Variants in RASEF observed in about 807,000 individuals in gnomAD.
RASEF encodes the protein ras and EF-hand domain-containing protein.
Under a neutral mutation model 90.1 loss-of-function variants are expected in RASEF, and 68 were observed. The observed-to-expected ratio is 0.75, with a 90% CI of 0.62 to 0.92. The LOEUF (loss-of-function observed/expected upper bound fraction) is 0.92. Ranked by LOEUF, RASEF falls within the 40% of genes least tolerant of loss-of-function variation. RASEF has a pLI of 0.00. For missense variants in RASEF, 949 were observed against 937.2 expected (o/e 1.01, Z -0.16); for synonymous variants, 331 against 345.2 (o/e 0.96, Z 0.46).
At chr9:83,070,433 T>C in the RASEF span, among the ~76,000 whole-genome samples, 63 of 152,240 alleles carry the variant, frequency 4.1e-4, 1 homozygote, top group African/African-American at 1.5e-3. Flanking sequence ...ACTACATATG[T>C]GTGGGTTTCT....
chr9:83,108,038 G>T, the RASEF span, among the ~76,000 whole-genome samples: 1 of 152,158 alleles, frequency 6.6e-6, no homozygotes, highest in Non-Finnish European at 1.5e-5. Context: ...ATTAAGTCAT[G>T]GTGATATAAA....
intron 1 of RASEF, among the ~76,000 whole-genome samples, chr9:83,044,893 C>T (rs929634603): frequency 2.2e-4 from 33 of 152,220 alleles, no homozygotes; most frequent in Non-Finnish European, 8.8e-5. Context: ...TGAGTCTCAT[C>T]CATTCAGTAA....
At chr9:83,100,398 A>T in the RASEF span, among the ~76,000 whole-genome samples, 1 of 152,210 alleles carries the variant, frequency 6.6e-6, no homozygotes, top group African/African-American at 2.4e-5. Flanking sequence ...TTACATCAGA[A>T]CATCTTTTCA....
chr9:83,135,776 T>C, the RASEF span, among the ~76,000 whole-genome samples: 9 of 152,164 alleles, frequency 5.9e-5, no homozygotes, highest in Non-Finnish European at 8.8e-5. Context: ...ATACCTGCTT[T>C]GTGCTTCACA....
At chr9:83,208,354 C>G in the RASEF span, among the ~76,000 whole-genome samples, 52 of 152,294 alleles carry the variant, frequency 3.4e-4, no homozygotes, top group Admixed American at 1.4e-3. Flanking sequence ...CATTTCCTGC[C>G]TAGAACACCC....
chr9:83,211,569 G>A, the RASEF span, among the ~76,000 whole-genome samples: 2 of 152,192 alleles, frequency 1.3e-5, no homozygotes, highest in Admixed American at 1.3e-4. Flanking sequence ...CAGCAGACTG[G>A]ACTAGCTCAT....
chr9:83,133,626 A>ACAATGAGGC, the RASEF span, among the ~76,000 whole-genome samples: 2 of 152,196 alleles, frequency 1.3e-5, no homozygotes, highest in East Asian at 3.8e-4. Context: ...TGGGATGAAG[A>ACAATGAGGC]CAATGAGGCA....
chr9:83,040,101 T>C (rs73469487), intron 1 of RASEF, among the ~76,000 whole-genome samples: 4,432 of 152,276 alleles, frequency 0.029, 198 homozygotes, highest in African/African-American at 0.1. Flanking sequence ...CCATGTAAGA[T>C]GTGCCTTTGC....
Position 83,045,658 on chromosome 9 carries a change from T to C in RASEF, c.431+16779A>G, listed in dbSNP as rs536298416. Among the ~76,000 whole-genome samples the C allele has an allele frequency of 8.5e-5, 13 of 152,390 alleles. No homozygotes were observed. The East Asian group carries it at 2.5e-3, about 29-fold the overall frequency. ...ATTCATTTCTGTCTTTGTGCCTTGC[T>C]GGAGCTTCCCATGAGTTCTGGACTC... On this transcript the variant is annotated intron_variant, in intron 1 of 16. Coordinates refer to ENST00000376447, the MANE Select transcript of RASEF (RefSeq NM_152573.4).
At chr9:83,113,032 A>AAC in the RASEF span, among the ~76,000 whole-genome samples, 2 of 152,350 alleles carry the variant, frequency 1.3e-5, no homozygotes, top group Non-Finnish European at 2.9e-5. Flanking sequence ...GTCAATTTTC[A>AAC]ACACACATAT....
chr9:83,022,272 G>C (rs1829458197), intron 3 of RASEF, 64 bp downstream of exon 3: 1 of 1,196,584 alleles, frequency 8.4e-7, no homozygotes, highest in African/African-American at 1.5e-5. Context: ...AGAGTGCCTG[G>C]GCCCTCTCCG....
the RASEF span, among the ~76,000 whole-genome samples, chr9:83,190,055 GATTA>G: frequency 2.0e-5 from 3 of 152,006 alleles, no homozygotes; most frequent in African/African-American, 7.2e-5. Flanking sequence ...CTGCAGTCCG[GATTA>G]ATTATTTCCT....
chr9:83,174,229 T>C, the RASEF span, among the ~76,000 whole-genome samples: 3 of 152,108 alleles, frequency 2.0e-5, no homozygotes, highest in Non-Finnish European at 2.9e-5. Flanking sequence ...AATCTTTGTT[T>C]AGTACAAGGT....
At chr9:83,071,760 A>T in the RASEF span, among the ~76,000 whole-genome samples, 3 of 152,098 alleles carry the variant, frequency 2.0e-5, no homozygotes. Context: ...TTCTAATCCA[A>T]CCCTCACTTT....
the RASEF span, among the ~76,000 whole-genome samples, chr9:83,189,255 G>A: frequency 1.3e-5 from 2 of 152,164 alleles, no homozygotes; most frequent in Middle Eastern, 3.4e-3. Context: ...ACTTTTGCTC[G>A]GCACTTCTTG....
At chr9:83,017,905 A>G (rs1265463438) in intron 3 of RASEF, among the ~76,000 whole-genome samples, 1 of 152,270 alleles carries the variant, frequency 6.6e-6, no homozygotes, top group Non-Finnish European at 1.5e-5. Flanking sequence ...AAATCAATCA[A>G]TGTAATTTGC....
intron 4 of RASEF, among the ~76,000 whole-genome samples, chr9:83,013,140 T>C (rs528869768): frequency 1.3e-5 from 2 of 152,338 alleles, no homozygotes; most frequent in African/African-American, 4.8e-5. Flanking sequence ...TCATTTCTAT[T>C]GCAACTACAA....
the RASEF span, among the ~76,000 whole-genome samples, chr9:83,159,893 C>T: frequency 2.6e-5 from 4 of 152,142 alleles, no homozygotes; most frequent in Non-Finnish European, 2.9e-5. Context: ...GCACTGTTCT[C>T]GTGATAGTGA....
chr9:83,118,432 C>T, the RASEF span, among the ~76,000 whole-genome samples: 18 of 152,162 alleles, frequency 1.2e-4, no homozygotes, highest in South Asian at 2.1e-4. Flanking sequence ...GATCAACTTT[C>T]GGATGAAGGG....
Sources: allele counts gnomAD v4.1 joint callset (sites outside exome capture counted in the v4.1 genomes callset), GRCh38; gene constraint gnomAD v4.1.1; transcripts MANE v1.5; gene names NCBI Gene and HGNC (gene_info 2026-07-23, HGNC 2026-07-21).